The following NBEA variants were observed in gnomAD, a reference collection of about 807,000 sequenced individuals.
The protein encoded by NBEA is neurobeachin, also known as lysosomal-trafficking regulator 2.
Under a neutral mutation model 343.4 loss-of-function variants are expected in NBEA, and 44 were observed. The ratio of observed to expected loss-of-function variants is 0.13; its 90% CI spans 0.10 to 0.16. The LOEUF is 0.16. Ranked by LOEUF, NBEA falls within the 10% of genes least tolerant of loss-of-function variation. The pLI is 1.00. For missense variants in NBEA, 2,555 were observed against 3,631.3 expected (o/e 0.70, Z 7.62); for synonymous variants, 1,175 against 1,238.7 (o/e 0.95, Z 1.08).
chr13:35,527,552 CCAAGGCGG>C (rs2078039817), intron 41 of NBEA, among the ~76,000 whole-genome samples: 1 of 152,238 alleles, frequency 6.6e-6, no homozygotes, highest in Non-Finnish European at 1.5e-5. Context: ...AGACGGGGCC[CCAAGGCGG>C]CGGAGGGCTG....
intron 39 of NBEA, among the ~76,000 whole-genome samples, chr13:35,441,724 T>G (rs148224450): frequency 0.03 from 4,540 of 152,096 alleles, 104 homozygotes; most frequent in Non-Finnish European, 0.045. Flanking sequence ...GAATATTGTC[T>G]TAGTGCATAT....
intron 1 of NBEA, among the ~76,000 whole-genome samples, chr13:35,015,144 C>CA (rs1294052204): frequency 4.6e-5 from 5 of 108,806 alleles, no homozygotes; most frequent in African/African-American, 7.4e-5. Flanking sequence ...AAAAAACAAA[C>CA]AAAAAAAAAA....
chr13:35,413,416 G>C (rs887800100), intron 38 of NBEA, among the ~76,000 whole-genome samples: 4 of 152,026 alleles, frequency 2.6e-5, no homozygotes, highest in Non-Finnish European at 5.9e-5. Context: ...TGTTCCATTG[G>C]ATAGTTTTTG....
chr13:35,332,846 G>T (rs1358162163), intron 36 of NBEA, among the ~76,000 whole-genome samples: 1 of 152,098 alleles, frequency 6.6e-6, no homozygotes, highest in Non-Finnish European at 1.5e-5. Context: ...TCTACATAGA[G>T]TACACTCATT....
chr13:34,945,905 C>T (rs1358446343), intron 1 of NBEA, among the ~76,000 whole-genome samples: 1 of 152,068 alleles, frequency 6.6e-6, no homozygotes, highest in Non-Finnish European at 1.5e-5. Context: ...TTCAACAGAG[C>T]GGTGGCTGTA....
Position 35,454,226 on chromosome 13 carries a change from G to T in NBEA, c.6448+1991G>T, listed in dbSNP as rs9565302. Among the ~76,000 whole-genome samples, 160 of 152,280 alleles carry T rather than the reference G, an allele frequency of 1.1e-3. No individual in the cohort carries two copies. In the East Asian group the frequency reaches 0.019, roughly 18 times the overall value. Reference sequence around the variant, plus strand: ...TTATGAAGGGCCACAGAAATATGCTGCATAGGTTATAAGAATAGATTTATT... The same window carrying T: ...TTATGAAGGGCCACAGAAATATGCTTCATAGGTTATAAGAATAGATTTATT... On this transcript the variant is annotated intron_variant, in intron 40 of 58. Coordinates refer to ENST00000379939, the MANE Select transcript of NBEA (RefSeq NM_001385012.1).
chr13:35,659,947 G>GAGAGC (rs918362125), intron 55 of NBEA, among the ~76,000 whole-genome samples: 1 of 152,214 alleles, frequency 6.6e-6, no homozygotes, highest in Admixed American at 6.5e-5. Flanking sequence ...CTGCATGAAA[G>GAGAGC]AGAGCAGAGC....
rs567028462 is a variant in NBEA at position 35,396,175 on chromosome 13, G to A, written c.6180-36094G>A. Reference sequence around the variant, plus strand: ...CTCCCAAGTAGCTGGGGTTGTAGGTGCATGCCACTGCACCTAGTGGGTATT... The same window carrying A: ...CTCCCAAGTAGCTGGGGTTGTAGGTACATGCCACTGCACCTAGTGGGTATT... On this transcript the variant is annotated intron_variant, in intron 38 of 58. Coordinates refer to ENST00000379939, the MANE Select transcript of NBEA (RefSeq NM_001385012.1). 2.6e-5 allele frequency among the ~76,000 whole-genome samples: 4 copies of A among 152,210 alleles called. No individual in the cohort carries two copies. The South Asian group carries it at 8.3e-4, about 32-fold the overall frequency.
At chr13:35,623,674 T>C (rs750090676) in intron 48 of NBEA, among the ~76,000 whole-genome samples, 4 of 152,150 alleles carry the variant, frequency 2.6e-5, no homozygotes, top group Non-Finnish European at 4.4e-5. Flanking sequence ...TGAGCATCTA[T>C]GAGCTAATAA....
chr13:35,641,867 C>T (rs1419154798), intron 49 of NBEA, among the ~76,000 whole-genome samples: 1 of 151,970 alleles, frequency 6.6e-6, no homozygotes, highest in African/African-American at 2.4e-5. Context: ...AAGCTGTACA[C>T]TTAAGATTAG....
chr13:35,412,168 G>A (rs1382214303), intron 38 of NBEA, among the ~76,000 whole-genome samples: 2 of 152,106 alleles, frequency 1.3e-5, no homozygotes, highest in African/African-American at 2.4e-5. Flanking sequence ...CTGCTAGTAT[G>A]TGTATAGATA....
intron 30 of NBEA, among the ~76,000 whole-genome samples, chr13:35,190,872 A>T (rs1478286596): frequency 6.6e-6 from 1 of 152,164 alleles, no homozygotes; most frequent in African/African-American, 2.4e-5. Flanking sequence ...AAGTAATTAC[A>T]GGAAGCATTT....
intron 1 of NBEA, among the ~76,000 whole-genome samples, chr13:35,011,579 C>T (rs1418754753): frequency 1.3e-5 from 2 of 152,094 alleles, no homozygotes; most frequent in Non-Finnish European, 2.9e-5. Context: ...AATCTTATTG[C>T]TAGCAAAAAT....
intron 36 of NBEA, among the ~76,000 whole-genome samples, chr13:35,310,919 A>C (rs1321028774): frequency 6.6e-6 from 1 of 152,166 alleles, no homozygotes; most frequent in Non-Finnish European, 1.5e-5. Context: ...AATATCACTT[A>C]GTATTCATTT....
intron 39 of NBEA, among the ~76,000 whole-genome samples, chr13:35,443,064 G>T (rs552030708): frequency 6.6e-6 from 1 of 151,990 alleles, no homozygotes; most frequent in African/African-American, 2.4e-5. Flanking sequence ...CCAATCAATT[G>T]TTTACAAGCA....
At chr13:35,035,435 G>T (rs1260318907) in intron 1 of NBEA, among the ~76,000 whole-genome samples, 2 of 151,866 alleles carry the variant, frequency 1.3e-5, no homozygotes, top group Non-Finnish European at 1.5e-5. Context: ...CTAACATATG[G>T]TCTGTCTTTT....
intron 11 of NBEA, among the ~76,000 whole-genome samples, chr13:35,099,132 C>T (rs1228770609): frequency 1.3e-5 from 2 of 149,626 alleles, no homozygotes; most frequent in African/African-American, 4.9e-5. Context: ...TTCGATCAAG[C>T]GATTCTCCTG....
At chr13:35,433,617 A>G (rs1241256327) in intron 39 of NBEA, among the ~76,000 whole-genome samples, 1 of 152,022 alleles carries the variant, frequency 6.6e-6, no homozygotes, top group African/African-American at 2.4e-5. Context: ...ATAGATAAGG[A>G]TTTCATATGA....
intron 47 of NBEA, among the ~76,000 whole-genome samples, chr13:35,605,270 G>A (rs780823451): frequency 2.5e-4 from 38 of 152,150 alleles, no homozygotes; most frequent in Non-Finnish European, 4.7e-4. Flanking sequence ...ATCATCATAA[G>A]AGTAATGGTC....
Sources: allele counts gnomAD v4.1 joint callset (sites outside exome capture counted in the v4.1 genomes callset), GRCh38; gene constraint gnomAD v4.1.1; transcripts MANE v1.5; gene names NCBI Gene and HGNC (gene_info 2026-07-23, HGNC 2026-07-21).